The following NPR1 variants were observed in gnomAD, a reference collection of about 807,000 sequenced individuals.
NPR1 encodes the protein atrial natriuretic peptide receptor 1.
Under a neutral mutation model 116.9 loss-of-function variants are expected in NPR1, and 57 were observed. That is an observed-to-expected ratio of 0.49 (90% CI 0.39 to 0.61). The LOEUF is 0.61. NPR1 is among the 20% of genes least tolerant of loss of function. The pLI is 0.00. For missense variants in NPR1, 1,096 were observed against 1,409.8 expected (o/e 0.78, Z 3.56); for synonymous variants, 555 against 601.6 (o/e 0.92, Z 1.13).
At chr1:153,686,992 G>C (rs760313327) in intron 11 of NPR1, 24 bp from the exon 12 acceptor site, 2 of 1,613,252 alleles carry the variant, frequency 1.2e-6, no homozygotes, top group Non-Finnish European at 1.7e-6. Flanking sequence ...CAGGGGATTG[G>C]TCTGACTCTT....
In NPR1 at chr1:153,688,313, A is replaced by G. The variant is rs148670128; in HGVS notation, c.2417+92A>G. ...GGCTCTGGCTTATCCCAGCAGTGGC[A>G]GAGGGAGACCACTCACCTCCTCCCT... On this transcript the variant is annotated intron_variant, in intron 15 of 21. Transcript: ENST00000368680. The G allele has an allele frequency of 4.3e-4, 593 of 1,363,794 alleles. 4 individuals are homozygous for G. In the East Asian group the frequency reaches 0.011, roughly 26 times the overall value. The allele number at this position is 1,363,794 out of a possible 1,614,324, so 84.5% of individuals were successfully genotyped here. A position where few individuals can be genotyped will look rare whatever the true frequency, so the allele number is the denominator to read the frequency against.
chr1:153,690,442 C>A, intron 20 of NPR1, 60 bp downstream of exon 20: 1 of 1,283,536 alleles, frequency 7.8e-7, no homozygotes, highest in African/African-American at 1.5e-5. Context: ...AAATGCCATC[C>A]TGGGGCAGCC....
chr1:153,685,108 G>A (rs1669892556), intron 8 of NPR1, 24 bp downstream of exon 8: 1 of 1,612,096 alleles, frequency 6.2e-7, no homozygotes, highest in Non-Finnish European at 8.5e-7. Context: ...TGTTTGTGTT[G>A]GGGGGCAATA....
In NPR1 at chr1:153,685,859, T is replaced by C; in HGVS notation, c.1659T>C (p.Phe553=). ...CCACAGAGGGCCAGTTCCAAGTCTT[T>C]GCCAAGACAGCATATTATAAGGTGG... is the stretch of plus-strand genomic sequence containing the variant. ...LLTTEGQFQV[F]AKTAYYKGNL... Residue 553 remains phenylalanine, a synonymous_variant, in exon 9 of 22, where the codon TTT becomes TTC. Coordinates refer to ENST00000368680, the MANE Select transcript of NPR1 (RefSeq NM_000906.4). 6.2e-7 allele frequency: 1 copy of C among 1,614,096 alleles called. No individual in the cohort carries two copies. The highest frequency in any genetic ancestry group is 8.5e-7 in the Non-Finnish European group (1 of 1,179,986).
chr1:153,680,760 C>A, intron 2 of NPR1, 60 bp downstream of exon 2: 1 of 1,366,534 alleles, frequency 7.3e-7, no homozygotes, highest in Non-Finnish European at 1.0e-6. Flanking sequence ...TTTCTGGGCA[C>A]TGTGTCCCTC....
chr1:153,688,761 G>C (rs1227711957), intron 15 of NPR1, 192 bp from the exon 16 acceptor site: 3 of 631,236 alleles, frequency 4.8e-6, no homozygotes, highest in Non-Finnish European at 8.2e-6. Flanking sequence ...ACTTGACCTT[G>C]GGGTCTCAGA....
Position 153,687,286 on chromosome 1 carries a change from C to T in NPR1, c.2022C>T (p.Leu674=). The stretch of plus-strand genomic sequence containing the variant: ...GCGTGGTAGATGGGCGCTTTGTGCT[C>T]AAGATCACCGACTATGGGCTGGAGA... ...SNCVVDGRFV[L]KITDYGLESF... Residue 674 remains leucine, a synonymous_variant, in exon 13 of 22, where the codon CTC becomes CTT. Transcript: ENST00000368680. The T allele has an allele frequency of 6.2e-7, 1 of 1,614,120 alleles. No individual in the cohort carries two copies. The highest frequency in any genetic ancestry group is 8.5e-7 in the Non-Finnish European group (1 of 1,179,992).
Position 153,686,080 on chromosome 1 carries a change from G to A in NPR1, c.1681-43G>A, listed in dbSNP as rs763303049. ...GGAGCAGCTGGAATTCCCAGGACAT[G>A]GGACCATGCTCTTCACAGTGACAGT... On this transcript the variant is annotated intron_variant, in intron 9 of 21. Transcript: ENST00000368680. 1.6e-5 allele frequency: 26 copies of A among 1,594,444 alleles called. No individual in the cohort carries two copies. The African/African-American group carries it at 3.1e-4, about 19-fold the overall frequency.
chr1:153,679,280 G>A lies in NPR1; in HGVS notation c.172G>A (p.Ala58Thr). The change falls in exon 1 of 22, where the codon GCC becomes ACC. Residue 58 changes from alanine to threonine, a missense_variant. Transcript: ENST00000368680. This position sits in a 1 kb window ranked among gnomAD's most constrained non-coding sequence, Gnocchi z 4.2. The stretch of plus-strand genomic sequence containing the variant: ...CTGGTCGTGGGCGCGCGTGGGACCC[G>A]CCGTGGAGCTGGCCCTGGCCCAGGT... ...YPWSWARVGP[A>T]VELALAQVKA... 6.5e-7 allele frequency: 1 copy of A among 1,528,862 alleles called. No homozygotes were observed. The highest frequency in any genetic ancestry group is 8.7e-7 in the Non-Finnish European group (1 of 1,143,260). The allele number at this position is 1,528,862 out of a possible 1,614,324, so 94.7% of individuals were successfully genotyped here.
chr1:153,693,084 C>T (rs551698740), intron 20 of NPR1, 22 bp from the exon 21 acceptor site: 4 of 1,590,916 alleles, frequency 2.5e-6, no homozygotes, highest in South Asian at 2.2e-5. Flanking sequence ...GCTCACCTTC[C>T]CTTCTCCCCT....
rs764813142 is a variant in NPR1, at chr1:153,689,737, C to T, written c.2758-69C>T. The T allele has an allele frequency of 5.6e-6, 8 of 1,425,210 alleles. No individual in the cohort carries two copies. Among genetic ancestry groups the T allele is most frequent in the Admixed American group, 4.6e-5 (2 of 43,440 alleles). 88.3% of individuals were successfully genotyped at this position (1,425,210 alleles called of 1,614,324 possible). A position where few individuals can be genotyped will look rare whatever the true frequency, so the allele number is the denominator to read the frequency against. On this transcript the variant is annotated intron_variant, in intron 18 of 21. Coordinates refer to ENST00000368680, the MANE Select transcript of NPR1 (RefSeq NM_000906.4). This position sits in a 1 kb window ranked among gnomAD's most constrained non-coding sequence, Gnocchi z 5.1. Reference sequence around the variant, plus strand: ...GGTACAGAATGACAGACGCTGCACCCGGTGTGACGGTGTGGCCGGCCGCAC... The same window carrying T: ...GGTACAGAATGACAGACGCTGCACCTGGTGTGACGGTGTGGCCGGCCGCAC...
chr1:153,683,898 C>G (rs888093163), intron 7 of NPR1, 74 bp downstream of exon 7: 4 of 1,365,096 alleles, frequency 2.9e-6, no homozygotes, highest in Non-Finnish European at 4.2e-6. Flanking sequence ...CGGTGGGGAC[C>G]CAGAGGGAAG....
chr1:153,680,867 A>C, intron 2 of NPR1, 167 bp downstream of exon 2: 11 of 658,110 alleles, frequency 1.7e-5, no homozygotes, highest in East Asian at 2.7e-5. Context: ...GGTGATGCTC[A>C]CTGGGAATTA....
At position 153,678,865 on chromosome 1, in the gene NPR1, C is replaced by T; in HGVS notation, c.-244C>T. ...GTTCACACTCGGGTCCTCTCCAGCCCGACGTTCTCCTGGCACCCACCTGCT... is the reference window on the plus strand; with the variant it reads ...GTTCACACTCGGGTCCTCTCCAGCCTGACGTTCTCCTGGCACCCACCTGCT... On this transcript the variant is annotated 5_prime_UTR_variant, in exon 1 of 22. Transcript: ENST00000368680. This position sits in a 1 kb window ranked among gnomAD's most constrained non-coding sequence, Gnocchi z 5.8. 1 of 490,330 alleles carries T rather than the reference C, an allele frequency of 2.0e-6. No individual in the cohort carries two copies. The highest frequency in any genetic ancestry group is 3.5e-6 in the Non-Finnish European group (1 of 284,116). The allele number at this position is 490,330 out of a possible 1,614,324, so 30.4% of individuals were successfully genotyped here. A position where few individuals can be genotyped will look rare whatever the true frequency, so the allele number is the denominator to read the frequency against.
rs1415847343 is a variant in NPR1, at chr1:153,679,941, C to G, written c.721+112C>G. ...CTGGGGGCACTCTTCTTTCTCCTCGCCGTTCTTCATTCTACTTTCAGCTCC... is the reference window on the plus strand; with the variant it reads ...CTGGGGGCACTCTTCTTTCTCCTCGGCGTTCTTCATTCTACTTTCAGCTCC... On this transcript the variant is annotated intron_variant, in intron 1 of 21. Coordinates refer to ENST00000368680, the MANE Select transcript of NPR1 (RefSeq NM_000906.4). The surrounding 1 kb of genome is among the most constrained non-coding windows in gnomAD (Gnocchi z 4.2). 3.6e-6 allele frequency: 5 copies of G among 1,387,074 alleles called. No homozygotes were observed. The highest frequency in any genetic ancestry group is 4.8e-6 in the Non-Finnish European group (5 of 1,041,100). 85.9% of individuals were successfully genotyped at this position (1,387,074 alleles called of 1,614,324 possible). A position where few individuals can be genotyped will look rare whatever the true frequency, so the allele number is the denominator to read the frequency against.
Position 153,687,314 on chromosome 1 carries a change from T to C in NPR1, c.2050T>C (p.Phe684Leu). Residue 684 changes from phenylalanine (F) to leucine (L), a missense_variant, in exon 13 of 22, where the codon TTC (phenylalanine) becomes CTC (leucine). Physicochemically the swap from Phe to Leu is conservative, Grantham distance 22. Coordinates refer to ENST00000368680, the MANE Select transcript of NPR1 (RefSeq NM_000906.4). Reference protein sequence around the residue: ...LKITDYGLESFRDLDPEQGHT... With the variant: ...LKITDYGLESLRDLDPEQGHT... ...GATCACCGACTATGGGCTGGAGAGC[T>C]TCAGGGACCTGGACCCAGAGCAAGG... 6.2e-7 allele frequency: 1 copy of C among 1,614,076 alleles called. No homozygotes were observed. The highest frequency in any genetic ancestry group is 8.5e-7 in the Non-Finnish European group (1 of 1,179,986).
At position 153,678,878 on chromosome 1, in the gene NPR1, G is replaced by T; in HGVS notation, c.-231G>T. 1 of 504,182 alleles carries T rather than the reference G, an allele frequency of 2.0e-6. No homozygotes were observed. The highest frequency in any genetic ancestry group is 2.0e-5 in the African/African-American group (1 of 49,156). 31.2% of individuals were successfully genotyped at this position (504,182 alleles called of 1,614,324 possible). On this transcript the variant is annotated 5_prime_UTR_variant, in exon 1 of 22. Coordinates refer to ENST00000368680, the MANE Select transcript of NPR1 (RefSeq NM_000906.4). The surrounding 1 kb of genome is among the most constrained non-coding windows in gnomAD (Gnocchi z 5.8). The stretch of plus-strand genomic sequence containing the variant: ...TCCTCTCCAGCCCGACGTTCTCCTG[G>T]CACCCACCTGCTCCGCGGCGCCCTG...
At chr1:153,690,245 C>T (rs1670067429) in intron 19 of NPR1, 39 bp from the exon 20 acceptor site, 4 of 1,505,278 alleles carry the variant, frequency 2.7e-6, no homozygotes, top group African/African-American at 2.8e-5. Flanking sequence ...CCCTCCCTCA[C>T]TCGCTGATGG....
In NPR1 at chr1:153,693,407, G is replaced by A. The variant is rs371565050; in HGVS notation, c.3179G>A (p.Arg1060Gln). The A allele has an allele frequency of 1.5e-5, 24 of 1,609,502 alleles. No homozygotes were observed. Among genetic ancestry groups the A allele is most frequent in the East Asian group, 4.5e-5 (2 of 44,698 alleles). ...WLLGERGSST[R>Q]G ...CTTGGGGAGAGGGGGAGTAGCACCC[G>A]AGGCTGACCTGCCTCCTCTCCTATC... The change falls in exon 22 of 22, where the codon CGA becomes CAA. Residue 1060 changes from arginine (R) to glutamine (Q), a missense_variant. Physicochemically the swap from Arg to Gln is conservative, Grantham distance 43 (BLOSUM62 1). Transcript: ENST00000368680.
Sources: allele counts gnomAD v4.1 joint callset, GRCh38; gene constraint gnomAD v4.1.1; non-coding constraint Gnocchi (gnomAD v3.1); transcripts MANE v1.5; gene names NCBI Gene and HGNC (gene_info 2026-07-23, HGNC 2026-07-21).